The following CERS4 variants were observed in gnomAD, a reference collection of about 807,000 sequenced individuals.
CERS4 encodes the protein LAG1 homolog, ceramide synthase 4.
A neutral mutation model predicts 51.8 loss-of-function variants in CERS4; 65 were observed. The observed-to-expected ratio is 1.26, with a 90% CI of 1.03 to 1.54. The LOEUF (loss-of-function observed/expected upper bound fraction) is 1.54, where lower values mean the gene tolerates loss of function less well. CERS4 is among the 40% of genes most tolerant of loss of function. CERS4 has a pLI of 0.00. For missense variants in CERS4, 563 were observed against 500.4 expected, an observed-to-expected ratio of 1.13 and a Z score of -1.19; for synonymous variants, 228 against 208.4, an observed-to-expected ratio of 1.09 and a Z score of -0.81.
chr19:8,231,851 ATT>A (rs3042169), intron 2 of CERS4, among the ~76,000 whole-genome samples: 6,143 of 104,214 alleles, frequency 0.059, 257 homozygotes, highest in East Asian at 0.16. Flanking sequence ...TGTGCCCAGC[ATT>A]TTTTTTTTTT....
intron 1 of CERS4, chr19:8,209,992 G>A (rs1373119959): frequency 1.8e-5 from 2 of 109,106 alleles, no homozygotes; most frequent in Non-Finnish European, 4.1e-5. Context: ...ATTTGGCCTG[G>A]TTGGACCAGC....
chr19:8,260,886 G>A (rs1300076155), intron 10 of CERS4: 2 of 147,532 alleles, frequency 1.4e-5, no homozygotes, highest in African/African-American at 2.5e-5. Flanking sequence ...GGGAAGCAGA[G>A]GTTGCAGTGA....
Position 8,251,211 on chromosome 19 carries a change from G to A in CERS4, c.135G>A (p.Leu45=). Residue 45 remains leucine (L), a synonymous_variant, in exon 3 of 12, where the codon CTG becomes CTA. Transcript: ENST00000251363. ...HPQDLLAALP[L]ALVLLAMRLA... ...AGGACTTGTTGGCAGCCCTGCCCCTGGCGCTGGTCCTCCTGGCCATGCGCC... is the reference window on the plus strand; with the variant it reads ...AGGACTTGTTGGCAGCCCTGCCCCTAGCGCTGGTCCTCCTGGCCATGCGCC... 1 of 1,611,840 alleles carries A rather than the reference G, an allele frequency of 6.2e-7. No individual in the cohort carries two copies. Among genetic ancestry groups the A allele is most frequent in the Non-Finnish European group, 8.5e-7 (1 of 1,179,098 alleles).
intron 3 of CERS4, among the ~76,000 whole-genome samples, chr19:8,251,891 C>T (rs1719091657): frequency 6.6e-6 from 1 of 151,766 alleles, no homozygotes; most frequent in Non-Finnish European, 1.5e-5. Context: ...GGAGGGTTTT[C>T]CAGTTTCAAA....
rs566896210 is a variant in CERS4 at position 8,251,252 on chromosome 19, G to A, written c.173+3G>A. 25 of 1,595,618 alleles carry A rather than the reference G, an allele frequency of 1.6e-5. No homozygotes were observed. In the African/African-American group the frequency reaches 2.0e-4, roughly 13 times the overall value. On this transcript the variant is annotated splice_donor_region_variant and intron_variant, in intron 3 of 11. Transcript: ENST00000251363. ...GCCATGCGCCTTGCCTTTGAGAGGT[G>A]AGTGTCTGCCCTGCCGCAATCCATT...
intron 10 of CERS4, 160 bp from the exon 11 acceptor site, chr19:8,261,528 G>A (rs555902738): frequency 3.9e-5 from 29 of 750,604 alleles, no homozygotes; most frequent in African/African-American, 1.9e-4. Context: ...AGGGGGCCTC[G>A]CGTGCCCAGC....
Position 8,258,699 on chromosome 19 carries a change from G to A in CERS4, c.848+714G>A, listed in dbSNP as rs149974682. On this transcript the variant is annotated intron_variant, in intron 10 of 11. Transcript: ENST00000251363. ...CTCTATTAAAAATTAAAAATTAGCC[G>A]GACGTGATGGTGCATACCTGTAATC... Among the ~76,000 whole-genome samples, 676 of 152,232 alleles carry A rather than the reference G, an allele frequency of 4.4e-3. 5 individuals carry two copies. Among genetic ancestry groups the A allele is most frequent in the African/African-American group, 0.014 (590 of 41,530 alleles).
In CERS4 at chr19:8,239,081, AC is replaced by A. The variant is rs79528082; in HGVS notation, c.-1-11994del. Among the ~76,000 whole-genome samples, 8 of 152,012 alleles carry A rather than the reference AC, an allele frequency of 5.3e-5. No homozygotes were observed. In the East Asian group the frequency reaches 1.4e-3, roughly 26 times the overall value. On this transcript the variant is annotated intron_variant, in intron 2 of 11. Coordinates refer to ENST00000251363, the MANE Select transcript of CERS4 (RefSeq NM_024552.3). ...GTGCCACTGCACTCCAGTCTGGGCA[AC>A]AGAATGAGACCCCATCTCTTTAAGA...
intron 8 of CERS4, 22 bp from the exon 9 acceptor site, chr19:8,256,927 T>C: frequency 1.2e-6 from 2 of 1,614,048 alleles, no homozygotes; most frequent in Admixed American, 1.7e-5. Context: ...TCGTCCCCAC[T>C]ATGACCCACC....
At chr19:8,212,908 A>C (rs1599500176) in intron 2 of CERS4, among the ~76,000 whole-genome samples, 2 of 152,072 alleles carry the variant, frequency 1.3e-5, no homozygotes, top group African/African-American at 4.8e-5. Context: ...TCGGCCTCCC[A>C]AAGTGCTGGG....
At chr19:8,215,029 G>T (rs1425819359) in intron 2 of CERS4, among the ~76,000 whole-genome samples, 1 of 139,140 alleles carries the variant, frequency 7.2e-6, no homozygotes, top group Non-Finnish European at 1.6e-5. Context: ...GGAAGAGGAG[G>T]GGGAGGACGA....
In CERS4 at chr19:8,254,574, G is replaced by C. The variant is rs145687349; in HGVS notation, c.249G>C (p.Thr83=). 2.5e-6 allele frequency: 4 copies of C among 1,613,080 alleles called. No individual in the cohort carries two copies. Among genetic ancestry groups the C allele is most frequent in the African/African-American group, 1.3e-5 (1 of 75,034 alleles). ...GGAGGCAAGTGAAGCCCAACGCCAC[G>C]CTGGAGAAACACTTCCTCACGGAAG... ...QTRRQVKPNA[T]LEKHFLTEGH... is the part of the protein sequence containing the mutation. The change falls in exon 4 of 12, where the codon ACG becomes ACC. Residue 83 remains threonine, a synonymous_variant. Transcript: ENST00000251363.
Position 8,210,502 on chromosome 19 carries a change from T to A in CERS4, c.-158-204T>A, listed in dbSNP as rs772269770. Reference sequence around the variant, plus strand: ...AGGTGGGCAGGGGGAGAGGCTGTTGTGGTTTGCAAAACCTACCAGATGGGG... The same window carrying A: ...AGGTGGGCAGGGGGAGAGGCTGTTGAGGTTTGCAAAACCTACCAGATGGGG... On this transcript the variant is annotated intron_variant, in intron 1 of 11. Transcript: ENST00000251363. The surrounding 1 kb of genome is among the most constrained non-coding windows in gnomAD (Gnocchi z 4.2). 1.9e-4 allele frequency among the ~76,000 whole-genome samples: 29 copies of A among 152,016 alleles called. No individual in the cohort carries two copies. Among genetic ancestry groups the A allele is most frequent in the Non-Finnish European group, 3.1e-4 (21 of 68,006 alleles).
chr19:8,213,645 C>T (rs932049981), intron 2 of CERS4, among the ~76,000 whole-genome samples: 2 of 152,064 alleles, frequency 1.3e-5, no homozygotes, highest in African/African-American at 4.8e-5. Context: ...GAATAGGCCC[C>T]TCAGACCCAT....
chr19:8,262,047 A>C lies in CERS4; in HGVS notation c.1123A>C (p.Thr375Pro), dbSNP rs1188757441. The C allele has an allele frequency of 1.3e-6, 2 of 1,547,910 alleles. No homozygotes were observed. Among genetic ancestry groups the C allele is most frequent in the Admixed American group, 4.3e-5 (2 of 46,630 alleles). ...AGCTGGAGGGCCCAGGCCAGCCCCC[A>C]CTGATGGCCCTCGGAGCCGGGTGGC... Reference protein sequence around the residue: ...GAAGGPRPAPTDGPRSRVAGR... With the variant: ...GAAGGPRPAPPDGPRSRVAGR... The change falls in exon 12 of 12, where the codon ACT becomes CCT. Residue 375 changes from threonine (T) to proline (P), a missense_variant. Physicochemically the swap from Thr to Pro is conservative, Grantham distance 38. Transcript: ENST00000251363.
At chr19:8,220,109 A>C (rs1327247663) in intron 2 of CERS4, among the ~76,000 whole-genome samples, 2 of 151,744 alleles carry the variant, frequency 1.3e-5, no homozygotes, top group African/African-American at 2.4e-5. Context: ...CATGCCTGGA[A>C]TTTGCCCACC....
Position 8,257,909 on chromosome 19 carries a change from C to T in CERS4, c.772C>T (p.Gln258Ter). ...ACKMVNYMQY[Q>*]QVCDALFLIF... ...TAAGATGGTCAACTACATGCAGTAT[C>T]AGCAAGTGTGCGACGCTCTCTTCCT... The change falls in exon 10 of 12, where the codon CAG (glutamine) becomes TAG (stop). Residue 258 changes from glutamine (Q) to a stop codon, truncating the protein, a stop_gained. Coordinates refer to ENST00000251363, the MANE Select transcript of CERS4 (RefSeq NM_024552.3). LOFTEE classifies it high-confidence loss of function. 3.7e-6 allele frequency: 6 copies of T among 1,614,058 alleles called. No homozygotes were observed. Among genetic ancestry groups the T allele is most frequent in the Non-Finnish European group, 5.1e-6 (6 of 1,180,002 alleles).
intron 3 of CERS4, 142 bp from the exon 4 acceptor site, chr19:8,254,357 G>T: frequency 2.8e-6 from 1 of 352,760 alleles, no homozygotes; most frequent in Non-Finnish European, 5.4e-6. Context: ...TACACACCCT[G>T]CCATGTGCCA....
chr19:8,235,080 C>T (rs1406309494), intron 2 of CERS4, among the ~76,000 whole-genome samples: 1 of 148,284 alleles, frequency 6.7e-6, no homozygotes, highest in Admixed American at 6.8e-5. Context: ...AGGATCTCGG[C>T]TCACTGCAAC....
Sources: gnomAD v4.1 joint callset for allele counts (sites outside exome capture counted in the v4.1 genomes callset) on GRCh38, gnomAD v4.1.1 for gene constraint, Gnocchi (gnomAD v3.1) non-coding constraint, MANE v1.5 for transcripts, NCBI Gene and HGNC (gene_info 2026-07-23, HGNC 2026-07-21) for gene names.